The following COPS2 variants were observed in gnomAD, a reference collection of about 807,000 sequenced individuals.
COPS2 encodes the protein COP9 signalosome complex subunit 2.
COPS2 carries 10 observed loss-of-function variants against 66.1 expected under a neutral mutation model. The ratio of observed to expected loss-of-function variants is 0.15; its 90% CI spans 0.09 to 0.26. The LOEUF (loss-of-function observed/expected upper bound fraction) is 0.26. COPS2 is among the 10% of genes least tolerant of loss of function. The probability of loss-of-function intolerance (pLI) is 1.00; values close to 1 mark genes in which losing one functional copy is unlikely to be tolerated. For missense variants in COPS2, 215 were observed against 513.3 expected, an observed-to-expected ratio of 0.42 and a Z score of 5.62; for synonymous variants, 179 against 171.3, an observed-to-expected ratio of 1.04 and a Z score of -0.35.
In COPS2 at chr15:49,129,568, C is replaced by A; in HGVS notation, c.1046-9G>T. On this transcript the variant is annotated splice_polypyrimidine_tract_variant and intron_variant, in intron 10 of 12. Transcript: ENST00000388901. ...GATGTTTCGCAAAAGCTCTGAAAGACAAAAAATTAAAATAACATTTTATTT... is the reference window on the plus strand; with the variant it reads ...GATGTTTCGCAAAAGCTCTGAAAGAAAAAAAATTAAAATAACATTTTATTT... 7.0e-7 allele frequency: 1 copy of A among 1,422,302 alleles called. No individual in the cohort carries two copies. The highest frequency in any genetic ancestry group is 9.4e-7 in the Non-Finnish European group (1 of 1,061,814). The allele number at this position is 1,422,302 out of a possible 1,614,324, so 88.1% of individuals were successfully genotyped here. A position where few individuals can be genotyped will look rare whatever the true frequency, so the allele number is the denominator to read the frequency against.
rs1338356049 is a variant in COPS2 at position 49,126,824 on chromosome 15, A to C, written c.*1126T>G. 1 of 152,130 alleles carries C rather than the reference A, an allele frequency of 6.6e-6. No individual in the cohort carries two copies. The highest frequency in any genetic ancestry group is 2.4e-5 in the African/African-American group (1 of 41,444). 9.4% of individuals were successfully genotyped at this position (152,130 alleles called of 1,614,324 possible). A position where few individuals can be genotyped will look rare whatever the true frequency, so the allele number is the denominator to read the frequency against. ...TGGAAACTTTCATTTGGTGCCAAGTAATGGTAACTAAAAATAATCAAGCTT... is the reference window on the plus strand; with the variant it reads ...TGGAAACTTTCATTTGGTGCCAAGTCATGGTAACTAAAAATAATCAAGCTT... On this transcript the variant is annotated 3_prime_UTR_variant, in exon 13 of 13. Coordinates refer to ENST00000388901, the MANE Select transcript of COPS2 (RefSeq NM_004236.4).
chr15:49,152,026 A>G (rs2084365513), intron 1 of COPS2, among the ~76,000 whole-genome samples: 1 of 152,010 alleles, frequency 6.6e-6, no homozygotes, highest in African/African-American at 2.4e-5. Flanking sequence ...GCTGAGTATC[A>G]CTGTGGTCAG....
rs1044542229 is a variant in COPS2 at position 49,125,566 on chromosome 15, A to G, written c.*2384T>C. On this transcript the variant is annotated 3_prime_UTR_variant, in exon 13 of 13. Transcript: ENST00000388901. The stretch of plus-strand genomic sequence containing the variant: ...CCCCTAAATTTATATTTCGATAAGC[A>G]ATCTCTAAGATTTCAACTCTACAAT... 2 of 152,168 alleles carry G rather than the reference A, an allele frequency of 1.3e-5. No homozygotes were observed. Among genetic ancestry groups the G allele is most frequent in the African/African-American group, 2.4e-5 (1 of 41,464 alleles). 9.4% of individuals were successfully genotyped at this position (152,168 alleles called of 1,614,324 possible).
In COPS2 at chr15:49,128,751, T is replaced by C; in HGVS notation, c.1138A>G (p.Ile380Val). The stretch of plus-strand genomic sequence containing the variant: ...AAGCTCTCCACATCAGCTACATCTA[T>C]GTTTAACTCCTAAGACAAAAGACTT... ...HIPFISKELN[I>V]DVADVESLLV... The change falls in exon 12 of 13, where the codon ATA (isoleucine) becomes GTA (valine). Residue 380 changes from isoleucine (I) to valine (V), a missense_variant. By Grantham distance (29) the Ile-to-Val change is conservative (BLOSUM62 3). Coordinates refer to ENST00000388901, the MANE Select transcript of COPS2 (RefSeq NM_004236.4). 4 of 1,606,092 alleles carry C rather than the reference T, an allele frequency of 2.5e-6. No individual in the cohort carries two copies. The highest frequency in any genetic ancestry group is 3.4e-6 in the Non-Finnish European group (4 of 1,174,178).
At chr15:49,147,983 T>C (rs2084333023) in intron 1 of COPS2, among the ~76,000 whole-genome samples, 1 of 152,208 alleles carries the variant, frequency 6.6e-6, no homozygotes, top group Admixed American at 6.5e-5. Flanking sequence ...TGCAACGCCA[T>C]GTTCGTAGGC....
chr15:49,129,573 A>T lies in COPS2; in HGVS notation c.1046-14T>A, dbSNP rs991369561. ...TTCGCAAAAGCTCTGAAAGACAAAA[A>T]ATTAAAATAACATTTTATTTAACAG... On this transcript the variant is annotated splice_polypyrimidine_tract_variant and intron_variant, in intron 10 of 12. Transcript: ENST00000388901. 4 of 1,361,730 alleles carry T rather than the reference A, an allele frequency of 2.9e-6. No homozygotes were observed. The highest frequency in any genetic ancestry group is 2.0e-6 in the Non-Finnish European group (2 of 1,008,974). 84.4% of individuals were successfully genotyped at this position (1,361,730 alleles called of 1,614,324 possible). A position where few individuals can be genotyped will look rare whatever the true frequency, so the allele number is the denominator to read the frequency against.
intron 10 of COPS2, among the ~76,000 whole-genome samples, chr15:49,130,188 T>C (rs1025191162): frequency 7.9e-5 from 12 of 152,092 alleles, no homozygotes; most frequent in African/African-American, 2.7e-4. Context: ...AATAGCTCCA[T>C]AATAGGTGGG....
intron 5 of COPS2, 26 bp downstream of exon 5, chr15:49,137,321 GA>G (rs755958444): frequency 6.4e-7 from 1 of 1,565,042 alleles, no homozygotes; most frequent in Admixed American, 1.8e-5. Flanking sequence ...CTTTTCAAAA[GA>G]AAAGTGTAAG....
At position 49,130,702 on chromosome 15, in the gene COPS2, T is replaced by C; in HGVS notation, c.1045+17A>G. The C allele has an allele frequency of 1.4e-6, 2 of 1,441,396 alleles. No homozygotes were observed. The highest frequency in any genetic ancestry group is 1.9e-6 in the Non-Finnish European group (2 of 1,031,132). The allele number at this position is 1,441,396 out of a possible 1,614,324, so 89.3% of individuals were successfully genotyped here. A position where few individuals can be genotyped will look rare whatever the true frequency, so the allele number is the denominator to read the frequency against. ...GGCAAAGAAAGTAATAGAATCCAGTTGGCAGAAAGAACATACCTTCAATGT... is the reference window on the plus strand; with the variant it reads ...GGCAAAGAAAGTAATAGAATCCAGTCGGCAGAAAGAACATACCTTCAATGT... On this transcript the variant is annotated intron_variant, in intron 10 of 12. Coordinates refer to ENST00000388901, the MANE Select transcript of COPS2 (RefSeq NM_004236.4).
intron 1 of COPS2, among the ~76,000 whole-genome samples, chr15:49,147,117 G>C (rs1293300128): frequency 6.6e-6 from 1 of 152,134 alleles, no homozygotes; most frequent in Non-Finnish European, 1.5e-5. Context: ...TATGCCTTCG[G>C]AAATCAGCTC....
In COPS2 at chr15:49,126,215, C is replaced by T. The variant is rs890333611; in HGVS notation, c.*1735G>A. The T allele has an allele frequency of 1.3e-4, 20 of 152,524 alleles. No homozygotes were observed. The highest frequency in any genetic ancestry group is 4.6e-4 in the African/African-American group (19 of 41,534). The allele number at this position is 152,524 out of a possible 1,614,324, so 9.4% of individuals were successfully genotyped here. Reference sequence around the variant, plus strand: ...TTAAACTTTTATTCCCTACCATAGACATTTTGTCTTTTGTTTTCTTTCCGT... The same window carrying T: ...TTAAACTTTTATTCCCTACCATAGATATTTTGTCTTTTGTTTTCTTTCCGT... On this transcript the variant is annotated 3_prime_UTR_variant, in exon 13 of 13. Transcript: ENST00000388901.
intron 3 of COPS2, among the ~76,000 whole-genome samples, chr15:49,141,809 A>G (rs2084291385): frequency 6.6e-6 from 1 of 152,214 alleles, no homozygotes; most frequent in Non-Finnish European, 1.5e-5. Flanking sequence ...ACAAAATAAC[A>G]TAAAATGCAA....
At chr15:49,128,600 T>A (rs2141121619) in intron 12 of COPS2, 102 bp downstream of exon 12, 2 of 759,908 alleles carry the variant, frequency 2.6e-6, no homozygotes, top group South Asian at 4.0e-5. Flanking sequence ...TACCCAAGGG[T>A]GCTTTTTATG....
chr15:49,154,839 G>C (rs2084402204), intron 1 of COPS2, among the ~76,000 whole-genome samples: 1 of 152,140 alleles, frequency 6.6e-6, no homozygotes, highest in East Asian at 1.9e-4. Flanking sequence ...AAAGCCATGG[G>C]TTCAATTATC....
intron 7 of COPS2, 96 bp downstream of exon 7, chr15:49,134,244 C>T: frequency 1.4e-6 from 2 of 1,418,186 alleles, no homozygotes; most frequent in Non-Finnish European, 9.6e-7. Context: ...TACTACTGGC[C>T]CCAAGGTATA....
chr15:49,141,397 G>T (rs985895403), intron 3 of COPS2, among the ~76,000 whole-genome samples: 2 of 152,134 alleles, frequency 1.3e-5, no homozygotes, highest in Non-Finnish European at 2.9e-5. Flanking sequence ...CTTGGAGGCT[G>T]AGGGAGGAGG....
chr15:49,148,437 C>G (rs1165829902), intron 1 of COPS2, among the ~76,000 whole-genome samples: 1 of 152,080 alleles, frequency 6.6e-6, no homozygotes, highest in Non-Finnish European at 1.5e-5. Flanking sequence ...ATAGGAATCG[C>G]CAGCAATGAG....
chr15:49,127,735 A>G lies in COPS2; in HGVS notation c.*215T>C. 6 of 492,794 alleles carry G rather than the reference A, an allele frequency of 1.2e-5. No individual in the cohort carries two copies. Among genetic ancestry groups the G allele is most frequent in the Non-Finnish European group, 2.2e-5 (6 of 278,258 alleles). 30.5% of individuals were successfully genotyped at this position (492,794 alleles called of 1,614,324 possible). ...AAGATGTCAATACAGCATAAATCCC[A>G]TGGTATTTTGGTTTTCTTCTGGAGA... On this transcript the variant is annotated 3_prime_UTR_variant, in exon 13 of 13. Coordinates refer to ENST00000388901, the MANE Select transcript of COPS2 (RefSeq NM_004236.4).
chr15:49,126,790 TGGA>T lies in COPS2; in HGVS notation c.*1157_*1159del, dbSNP rs2084170634. Reference sequence around the variant, plus strand: ...CTTTCTGCATTACCTCAAAGTTAGGTGGAAGTTTTGGAAACTTTCATTTGGTGC... The same window carrying T: ...CTTTCTGCATTACCTCAAAGTTAGGTAGTTTTGGAAACTTTCATTTGGTGC... On this transcript the variant is annotated 3_prime_UTR_variant, in exon 13 of 13. Coordinates refer to ENST00000388901, the MANE Select transcript of COPS2 (RefSeq NM_004236.4). 2 of 152,250 alleles carry T rather than the reference TGGA, an allele frequency of 1.3e-5. No individual in the cohort carries two copies. The highest frequency in any genetic ancestry group is 2.1e-4 in the South Asian group (1 of 4,826). 9.4% of individuals were successfully genotyped at this position (152,250 alleles called of 1,614,324 possible).
Sources: allele counts gnomAD v4.1 joint callset (sites outside exome capture counted in the v4.1 genomes callset), GRCh38; gene constraint gnomAD v4.1.1; transcripts MANE v1.5; gene names NCBI Gene and HGNC (gene_info 2026-07-23, HGNC 2026-07-21).